BRINP3: variants seen among roughly 807,000 people sequenced by gnomAD.
The protein encoded by BRINP3 is BMP/retinoic acid-inducible neural-specific protein 3.
A neutral mutation model predicts 71.0 loss-of-function variants in BRINP3; 19 were observed. The ratio of observed to expected loss-of-function variants is 0.27; its 90% CI spans 0.19 to 0.39. BRINP3 has a LOEUF of 0.39. Ranked by LOEUF, BRINP3 falls within the 10% of genes least tolerant of loss-of-function variation. The pLI is 1.00. For synonymous variants in BRINP3, 380 were observed against 337.7 expected, an observed-to-expected ratio of 1.13 and a Z score of -1.37; for missense variants, 959 against 940.8, an observed-to-expected ratio of 1.02 and a Z score of -0.25.
At chr1:190,391,776 C>T (rs1462200426) in intron 2 of BRINP3, among the ~76,000 whole-genome samples, 3 of 151,674 alleles carry the variant, frequency 2.0e-5, no homozygotes, top group Non-Finnish European at 2.9e-5. Context: ...CAAAACGAGG[C>T]TTACCAGATT....
At chr1:190,393,881 C>G (rs1363415150) in intron 2 of BRINP3, among the ~76,000 whole-genome samples, 5 of 151,494 alleles carry the variant, frequency 3.3e-5, no homozygotes, top group Non-Finnish European at 5.9e-5. Context: ...TATCCACATG[C>G]CTGCCCTAAA....
chr1:190,139,462 A>T (rs1655249795), intron 7 of BRINP3, among the ~76,000 whole-genome samples: 1 of 151,572 alleles, frequency 6.6e-6, no homozygotes. Context: ...AAAAAAAAAA[A>T]AAAAAAAAGA....
At chr1:190,116,156 A>T (rs1323458780) in intron 7 of BRINP3, among the ~76,000 whole-genome samples, 2 of 152,110 alleles carry the variant, frequency 1.3e-5, no homozygotes, top group African/African-American at 4.8e-5. Flanking sequence ...CCTATGCTAC[A>T]ATAGATTCTG....
chr1:190,458,731 G>A (rs1676177720), intron 1 of BRINP3, among the ~76,000 whole-genome samples: 1 of 151,884 alleles, frequency 6.6e-6, no homozygotes, highest in Non-Finnish European at 1.5e-5. Flanking sequence ...ATACTGCCAA[G>A]AAAGAGAAAT....
intron 7 of BRINP3, among the ~76,000 whole-genome samples, chr1:190,125,407 T>C (rs1279832257): frequency 6.6e-6 from 1 of 151,782 alleles, no homozygotes; most frequent in Non-Finnish European, 1.5e-5. Flanking sequence ...ATCTTTCTTC[T>C]CTTTTACAAT....
chr1:190,209,151 T>A (rs1655772627), intron 6 of BRINP3, among the ~76,000 whole-genome samples: 1 of 152,148 alleles, frequency 6.6e-6, no homozygotes, highest in South Asian at 2.1e-4. Flanking sequence ...CAATCTGTTT[T>A]ACTCACAGTG....
intron 7 of BRINP3, among the ~76,000 whole-genome samples, chr1:190,107,778 C>G (rs1167987350): frequency 1.3e-5 from 2 of 151,916 alleles, no homozygotes; most frequent in Non-Finnish European, 2.9e-5. Flanking sequence ...CAAAATTGAC[C>G]TCGACTTATG....
intron 7 of BRINP3, among the ~76,000 whole-genome samples, chr1:190,146,234 A>C (rs1655877530): frequency 1.3e-5 from 2 of 152,200 alleles, no homozygotes; most frequent in East Asian, 1.9e-4. Context: ...AAGTTCACTT[A>C]AAATATTTAA....
chr1:190,146,561 G>T (rs937838321), intron 7 of BRINP3, among the ~76,000 whole-genome samples: 23 of 151,966 alleles, frequency 1.5e-4, no homozygotes, highest in Non-Finnish European at 1.5e-5. Context: ...TTTAATAAAT[G>T]CTGAGACTTT....
intron 6 of BRINP3, among the ~76,000 whole-genome samples, chr1:190,166,662 T>G (rs1381251868): frequency 6.6e-6 from 1 of 152,246 alleles, no homozygotes; most frequent in Admixed American, 6.5e-5. Flanking sequence ...AATGGTTAGT[T>G]GGTTAGTTCC....
At chr1:190,251,801 CAA>C (rs1236795609) in intron 4 of BRINP3, among the ~76,000 whole-genome samples, 8 of 121,446 alleles carry the variant, frequency 6.6e-5, no homozygotes, top group Non-Finnish European at 1.4e-4. Flanking sequence ...TTAACAACAA[CAA>C]CCAAAAAAAA....
rs199797912 is a variant in BRINP3 at position 190,244,265 on chromosome 1, A to AG, written c.619-9789_619-9788insC. Among the ~76,000 whole-genome samples the AG allele has an allele frequency of 9.5e-4, 144 of 152,186 alleles. 2 individuals carry two copies. The East Asian group carries it at 0.025, about 26-fold the overall frequency. ...CAAATCCCACTAAAGTTGCAAAAAA[A>AG]ATATCTGTTGCCAAGACTGGGAAGC... On this transcript the variant is annotated intron_variant, in intron 4 of 7. Transcript: ENST00000367462.
chr1:190,317,605 A>G (rs1395414247), intron 2 of BRINP3, among the ~76,000 whole-genome samples: 2 of 151,886 alleles, frequency 1.3e-5, no homozygotes, highest in Non-Finnish European at 2.9e-5. Context: ...CTAATTTATT[A>G]TAATAGTTTC....
At chr1:190,180,067 C>T (rs544581684) in intron 6 of BRINP3, among the ~76,000 whole-genome samples, 3 of 152,152 alleles carry the variant, frequency 2.0e-5, no homozygotes, top group African/African-American at 7.2e-5. Flanking sequence ...GGGTTGATGC[C>T]GTTTGTTTTT....
chr1:190,101,561 T>G (rs1357345116), intron 7 of BRINP3, among the ~76,000 whole-genome samples: 1 of 152,158 alleles, frequency 6.6e-6, no homozygotes, highest in East Asian at 1.9e-4. Context: ...TCCTTTTTCT[T>G]TCTTCCTTTT....
intron 7 of BRINP3, among the ~76,000 whole-genome samples, chr1:190,103,114 A>G (rs1457377014): frequency 6.6e-6 from 1 of 152,088 alleles, no homozygotes; most frequent in Non-Finnish European, 1.5e-5. Context: ...CTGACTTTAC[A>G]GCCATACTTT....
At chr1:190,454,509 G>T in intron 2 of BRINP3, 146 bp downstream of exon 2, 1 of 632,514 alleles carries the variant, frequency 1.6e-6, no homozygotes, top group Non-Finnish European at 2.7e-6. Context: ...ACTTTGAATA[G>T]CAAGAAAACA....
rs965847239 is a variant in BRINP3, at chr1:190,384,687, A to T, written c.236+69968T>A. On this transcript the variant is annotated intron_variant, in intron 2 of 7. Coordinates refer to ENST00000367462, the MANE Select transcript of BRINP3 (RefSeq NM_199051.3). The stretch of plus-strand genomic sequence containing the variant: ...AGCTAATACTGTTATCACATCCTTT[A>T]TAAGTAAGCAATCTGAAATTTAGAG... 2.6e-5 allele frequency among the ~76,000 whole-genome samples: 4 copies of T among 151,970 alleles called. No individual in the cohort carries two copies. In the South Asian group the frequency reaches 8.3e-4, roughly 31 times the overall value.
chr1:190,421,155 TAA>T (rs1373313171), intron 2 of BRINP3, among the ~76,000 whole-genome samples: 1 of 151,692 alleles, frequency 6.6e-6, no homozygotes, highest in East Asian at 1.9e-4. Context: ...TGCTAATCAC[TAA>T]ATTCTCCATA....
Sources: allele counts gnomAD v4.1 joint callset (sites outside exome capture counted in the v4.1 genomes callset), GRCh38; gene constraint gnomAD v4.1.1; transcripts MANE v1.5; gene names NCBI Gene and HGNC (gene_info 2026-07-23, HGNC 2026-07-21).